The following SLC44A5 variants were observed in gnomAD, a reference collection of about 807,000 sequenced individuals.
The protein encoded by SLC44A5 is choline transporter-like protein 5.
In SLC44A5, 57 loss-of-function variants were observed where a neutral mutation model predicts 101.8. The ratio of observed to expected loss-of-function variants is 0.56; its 90% CI spans 0.45 to 0.70. The LOEUF (loss-of-function observed/expected upper bound fraction) is 0.70, where lower values mean the gene tolerates loss of function less well. Among genes scored for constraint, SLC44A5 ranks in the 30% least tolerant of loss-of-function variants. SLC44A5 has a pLI of 0.00. For synonymous variants in SLC44A5, 281 were observed against 290.9 expected (o/e 0.97, Z 0.35); for missense variants, 737 against 853.1 (o/e 0.86, Z 1.70).
chr1:75,535,071 C>CTTTTTTTTTTTTTTTTTTATTTT (rs1670922299), intron 2 of SLC44A5, among the ~76,000 whole-genome samples: 1 of 139,742 alleles, frequency 7.2e-6, no homozygotes, highest in Non-Finnish European at 1.6e-5. Flanking sequence ...ATTGAAGCTG[C>CTTTTTTTTTTTTTTTTTTATTTT]TTTTTTTTTT....
chr1:75,698,034 G>A, the SLC44A5 span, among the ~76,000 whole-genome samples: 3 of 152,204 alleles, frequency 2.0e-5, no homozygotes, highest in Admixed American at 6.5e-5. Context: ...TGCTAGCACA[G>A]CAGTCTGAGA....
chr1:75,537,034 A>AAAATATATATATATG (rs1553199990), intron 2 of SLC44A5, among the ~76,000 whole-genome samples: 1 of 18,644 alleles, frequency 5.4e-5, no homozygotes, highest in African/African-American at 1.0e-4. Context: ...AAAAAAAAAA[A>AAAATATATATATATG]TATATATCTA....
chr1:75,719,342 T>C, the SLC44A5 span, among the ~76,000 whole-genome samples: 1 of 152,154 alleles, frequency 6.6e-6, no homozygotes, highest in South Asian at 2.1e-4. Flanking sequence ...AAAAGGAGCC[T>C]ATATGGCTGA....
At chr1:75,287,672 G>C (rs1264270756) in intron 5 of SLC44A5, among the ~76,000 whole-genome samples, 1 of 152,028 alleles carries the variant, frequency 6.6e-6, no homozygotes, top group Non-Finnish European at 1.5e-5. Flanking sequence ...CCTTCCCCAA[G>C]GGATGGGGCA....
intron 3 of SLC44A5, among the ~76,000 whole-genome samples, chr1:75,375,127 AT>A (rs1450813695): frequency 3.3e-5 from 5 of 152,228 alleles, no homozygotes; most frequent in African/African-American, 1.2e-4. Context: ...TGATCCAAGT[AT>A]CGAAAGACAA....
chr1:75,566,932 A>C (rs1040659732), intron 1 of SLC44A5, among the ~76,000 whole-genome samples: 5 of 152,218 alleles, frequency 3.3e-5, no homozygotes, highest in African/African-American at 1.2e-4. Flanking sequence ...CCAAGATCAG[A>C]ACTGTAAGTG....
intron 2 of SLC44A5, among the ~76,000 whole-genome samples, chr1:75,470,311 CAA>C (rs968564590): frequency 5.9e-5 from 9 of 152,124 alleles, no homozygotes; most frequent in Non-Finnish European, 1.2e-4. Context: ...AATGAGCACT[CAA>C]GAGAAACCAA....
At chr1:75,573,927 G>T (rs1361222988) in intron 1 of SLC44A5, among the ~76,000 whole-genome samples, 1 of 152,196 alleles carries the variant, frequency 6.6e-6, no homozygotes, top group African/African-American at 2.4e-5. Flanking sequence ...ATATATTTAT[G>T]GCAAAGATAA....
At position 75,203,076 on chromosome 1, in the gene SLC44A5, C is replaced by T. The variant is rs571174178; in HGVS notation, c.*651G>A. On this transcript the variant is annotated 3_prime_UTR_variant, in exon 24 of 24. Transcript: ENST00000370859. ...AATGCAATAAGACTTGTTTTAATCA[C>T]GAAACATTGCAGGTTTTAATTTTTT... is the stretch of plus-strand genomic sequence containing the variant. 3.3e-5 allele frequency: 5 copies of T among 152,154 alleles called. No individual in the cohort carries two copies. The highest frequency in any genetic ancestry group is 5.9e-5 in the Non-Finnish European group (4 of 67,986). 9.4% of individuals were successfully genotyped at this position (152,154 alleles called of 1,614,324 possible).
At chr1:75,294,980 T>C (rs1161999700) in intron 5 of SLC44A5, among the ~76,000 whole-genome samples, 2 of 152,180 alleles carry the variant, frequency 1.3e-5, no homozygotes, top group Non-Finnish European at 2.9e-5. Flanking sequence ...CAGTTAATGA[T>C]GTATTTTATT....
chr1:75,249,015 G>A (rs1557575961), intron 7 of SLC44A5, among the ~76,000 whole-genome samples: 1 of 152,060 alleles, frequency 6.6e-6, no homozygotes, highest in African/African-American at 2.4e-5. Flanking sequence ...AATTATTGGA[G>A]TTGCAATGTC....
At chr1:75,527,314 AAGGG>A (rs3031444) in intron 2 of SLC44A5, among the ~76,000 whole-genome samples, 35 of 134,006 alleles carry the variant, frequency 2.6e-4, no homozygotes, top group South Asian at 8.1e-4. Flanking sequence ...GACAGAAAGG[AAGGG>A]AGGGAGGGAG....
intron 2 of SLC44A5, among the ~76,000 whole-genome samples, chr1:75,446,485 C>A (rs547677541): frequency 1.3e-5 from 2 of 152,172 alleles, no homozygotes; most frequent in East Asian, 1.9e-4. Context: ...CCAAAAAAAA[C>A]CCTGTCTTCT....
the SLC44A5 span, among the ~76,000 whole-genome samples, chr1:75,638,250 C>G: frequency 6.6e-6 from 1 of 152,092 alleles, no homozygotes; most frequent in African/African-American, 2.4e-5. Context: ...AGTATAGTGA[C>G]TCTGATGGCC....
intron 11 of SLC44A5, among the ~76,000 whole-genome samples, chr1:75,236,454 G>A (rs1648084193): frequency 1.3e-5 from 2 of 151,830 alleles, no homozygotes; most frequent in Admixed American, 6.6e-5. Context: ...CCTCCTCCTT[G>A]TTATCTATAC....
At chr1:75,574,537 A>G (rs533256994) in intron 1 of SLC44A5, among the ~76,000 whole-genome samples, 4 of 152,358 alleles carry the variant, frequency 2.6e-5, no homozygotes, top group South Asian at 2.1e-4. Context: ...CTAATGATAT[A>G]AAAGCAGAAG....
the SLC44A5 span, among the ~76,000 whole-genome samples, chr1:75,670,265 T>C: frequency 6.6e-6 from 1 of 152,072 alleles, no homozygotes; most frequent in East Asian, 1.9e-4. Context: ...AAGAAAACCT[T>C]CCCAATTTAA....
At chr1:75,293,190 ATCTTTTCAC>A (rs375854002) in intron 5 of SLC44A5, among the ~76,000 whole-genome samples, 1 of 152,366 alleles carries the variant, frequency 6.6e-6, no homozygotes, top group Non-Finnish European at 1.5e-5. Context: ...CAGGCAAATT[ATCTTTTCAC>A]TCATATCGAG....
At chr1:75,573,753 T>C (rs1290552523) in intron 1 of SLC44A5, among the ~76,000 whole-genome samples, 1 of 152,122 alleles carries the variant, frequency 6.6e-6, no homozygotes. Flanking sequence ...AGGTAAATTG[T>C]CACAATAATA....
Sources: allele counts gnomAD v4.1 joint callset (sites outside exome capture counted in the v4.1 genomes callset), GRCh38; gene constraint gnomAD v4.1.1; transcripts MANE v1.5; gene names NCBI Gene and HGNC (gene_info 2026-07-23, HGNC 2026-07-21).